Variants in PHF24 observed in about 807,000 individuals in gnomAD.
The protein encoded by PHF24 is Galpha inhibitory interacting protein.
A neutral mutation model predicts 42.6 loss-of-function variants in PHF24; 25 were observed. The observed-to-expected ratio is 0.59, with a 90% CI of 0.43 to 0.82. The LOEUF (loss-of-function observed/expected upper bound fraction) is 0.82. PHF24 is among the 40% of genes least tolerant of loss of function. The pLI is 0.00. For missense variants in PHF24, 470 were observed against 538.1 expected, an observed-to-expected ratio of 0.87 and a Z score of 1.25; for synonymous variants, 185 against 204.8, an observed-to-expected ratio of 0.90 and a Z score of 0.83.
the PHF24 span, among the ~76,000 whole-genome samples, chr9:34,890,311 A>G: frequency 5.3e-5 from 8 of 152,218 alleles, no homozygotes; most frequent in South Asian, 6.2e-4. Flanking sequence ...AATGTCATCA[A>G]ATGTCACTGG....
chr9:34,708,308 C>A, the PHF24 span, among the ~76,000 whole-genome samples: 1 of 151,642 alleles, frequency 6.6e-6, no homozygotes, highest in African/African-American at 2.4e-5. Context: ...TGGATCCCAG[C>A]CAGGAAAGAA....
the PHF24 span, among the ~76,000 whole-genome samples, chr9:34,859,894 TG>T: frequency 6.6e-6 from 1 of 152,158 alleles, no homozygotes; most frequent in Non-Finnish European, 1.5e-5. Context: ...TTTCAAGTGT[TG>T]TTTTTTTTTA....
the PHF24 span, among the ~76,000 whole-genome samples, chr9:34,914,842 G>A: frequency 1.3e-5 from 2 of 151,794 alleles, no homozygotes; most frequent in Admixed American, 1.3e-4. Flanking sequence ...CTGAAGTGCA[G>A]TGGTGCAATC....
the PHF24 span, among the ~76,000 whole-genome samples, chr9:34,697,291 T>A: frequency 6.6e-6 from 1 of 152,206 alleles, no homozygotes; most frequent in Non-Finnish European, 1.5e-5. Context: ...AGGTCTGTAG[T>A]GAAGCCCAGG....
At chr9:34,788,688 G>A in the PHF24 span, among the ~76,000 whole-genome samples, 1 of 152,182 alleles carries the variant, frequency 6.6e-6, no homozygotes, top group Non-Finnish European at 1.5e-5. Flanking sequence ...TGCTCCCATT[G>A]TTAGAGTAGG....
At chr9:34,888,559 C>G in the PHF24 span, among the ~76,000 whole-genome samples, 3 of 152,160 alleles carry the variant, frequency 2.0e-5, no homozygotes, top group African/African-American at 7.2e-5. Flanking sequence ...CCTTAAAGAT[C>G]TCAGTAACAA....
intron 3 of PHF24, 43 bp downstream of exon 3, chr9:34,972,574 C>G: frequency 6.5e-7 from 1 of 1,530,640 alleles, no homozygotes; most frequent in South Asian, 1.3e-5. Flanking sequence ...TGGCACTTTT[C>G]CTGGAGGCCC....
chr9:34,886,170 T>G, the PHF24 span, among the ~76,000 whole-genome samples: 15 of 151,908 alleles, frequency 9.9e-5, no homozygotes, highest in African/African-American at 3.6e-4. Flanking sequence ...CTTCCAGAAA[T>G]TCTCCCCTTG....
chr9:34,854,597 TC>T, the PHF24 span, among the ~76,000 whole-genome samples: 6 of 152,254 alleles, frequency 3.9e-5, no homozygotes, highest in African/African-American at 1.4e-4. Context: ...TGAGTGAGTT[TC>T]TTAAACTTGA....
At chr9:34,863,876 A>G in the PHF24 span, among the ~76,000 whole-genome samples, 1 of 152,274 alleles carries the variant, frequency 6.6e-6, no homozygotes, top group Admixed American at 6.5e-5. Context: ...AGCTGTTTTG[A>G]GGAAACTCAA....
At chr9:34,789,521 G>C in the PHF24 span, among the ~76,000 whole-genome samples, 1 of 152,174 alleles carries the variant, frequency 6.6e-6, no homozygotes. Context: ...TGATGTTTAA[G>C]GCAGAGAATC....
At chr9:34,794,963 C>G in the PHF24 span, among the ~76,000 whole-genome samples, 1 of 151,906 alleles carries the variant, frequency 6.6e-6, no homozygotes, top group African/African-American at 2.4e-5. Flanking sequence ...TACAAAGATA[C>G]AATTTCAAGA....
the PHF24 span, among the ~76,000 whole-genome samples, chr9:34,714,078 T>A: frequency 2.0e-5 from 3 of 151,846 alleles, no homozygotes; most frequent in Non-Finnish European, 4.4e-5. Context: ...GGGGCTGGAA[T>A]TTGGTGGCCT....
the PHF24 span, among the ~76,000 whole-genome samples, chr9:34,847,741 C>A: frequency 6.6e-6 from 1 of 152,014 alleles, no homozygotes; most frequent in Admixed American, 6.6e-5. Flanking sequence ...GTGGGTTTGT[C>A]ATAGATAGCT....
At chr9:34,915,154 C>T in the PHF24 span, among the ~76,000 whole-genome samples, 11 of 151,016 alleles carry the variant, frequency 7.3e-5, no homozygotes, top group African/African-American at 2.7e-4. Context: ...TGCCTCAGCC[C>T]TCCAAGTAGC....
chr9:34,696,515 C>T, the PHF24 span, among the ~76,000 whole-genome samples: 2,854 of 148,814 alleles, frequency 0.019, 90 homozygotes, highest in African/African-American at 0.068. Flanking sequence ...AAAGTTTAGA[C>T]CAGGAACTTC....
the PHF24 span, among the ~76,000 whole-genome samples, chr9:34,670,397 A>C: frequency 1.3e-5 from 2 of 152,150 alleles, no homozygotes; most frequent in African/African-American, 4.8e-5. Context: ...AAACCTGTGG[A>C]ATCTGGTGCT....
chr9:34,969,101 G>A (rs528797488), intron 1 of PHF24, among the ~76,000 whole-genome samples: 1 of 152,288 alleles, frequency 6.6e-6, no homozygotes, highest in South Asian at 2.1e-4. Flanking sequence ...CATTATGGTT[G>A]GGACACAGAG....
At chr9:34,846,263 T>A in the PHF24 span, among the ~76,000 whole-genome samples, 1 of 152,118 alleles carries the variant, frequency 6.6e-6, no homozygotes, top group South Asian at 2.1e-4. Context: ...CAGCACCTGT[T>A]TTTCCCGACT....
Sources: gnomAD v4.1 joint callset for allele counts (sites outside exome capture counted in the v4.1 genomes callset) on GRCh38, gnomAD v4.1.1 for gene constraint, MANE v1.5 for transcripts, NCBI Gene and HGNC (gene_info 2026-07-23, HGNC 2026-07-21) for gene names.